The following UNC5A variants were observed in gnomAD, a reference collection of about 807,000 sequenced individuals.
The protein encoded by UNC5A is unc-5 netrin receptor A.
Under a neutral mutation model 87.4 loss-of-function variants are expected in UNC5A, and 20 were observed. That is an observed-to-expected ratio of 0.23 (90% CI 0.16 to 0.33). The LOEUF (loss-of-function observed/expected upper bound fraction) is 0.33. Ranked by LOEUF, UNC5A falls within the 10% of genes least tolerant of loss-of-function variation. UNC5A has a pLI of 1.00. For missense variants in UNC5A, 844 were observed against 1,133.4 expected (o/e 0.74, Z 3.67); for synonymous variants, 438 against 482.3 (o/e 0.91, Z 1.20).
intron 1 of UNC5A, among the ~76,000 whole-genome samples, chr5:176,830,673 T>G (rs1335865865): frequency 1.4e-5 from 2 of 141,950 alleles, no homozygotes; most frequent in African/African-American, 5.3e-5. Context: ...CTGGTGTGTG[T>G]GGGAGTGTGT....
At position 176,862,737 on chromosome 5, in the gene UNC5A, C is replaced by T; in HGVS notation, c.184C>T (p.Leu62=). 6.2e-7 allele frequency: 1 copy of T among 1,613,652 alleles called. No homozygotes were observed. Among genetic ancestry groups the T allele is most frequent in the Non-Finnish European group, 8.5e-7 (1 of 1,179,998 alleles). The part of the protein sequence containing the change: ...DVYIVKNKPV[L]LVCKAVPATQ... ...GTACATCGTCAAGAACAAGCCAGTG[C>T]TGCTTGTGTGCAAGGCCGTGCCCGC... Residue 62 remains leucine, a synonymous_variant, in exon 2 of 15, where the codon CTG becomes TTG. Coordinates refer to ENST00000329542, the MANE Select transcript of UNC5A (RefSeq NM_133369.3).
In UNC5A at chr5:176,878,471, T is replaced by A. The variant is rs780993322; in HGVS notation, c.2020-4T>A. ...CTGACACCTCCTCTCTGCATCCCCA[T>A]CAGGAGATCCCCTTTTATCACATCT... On this transcript the variant is annotated splice_polypyrimidine_tract_variant and splice_region_variant and intron_variant, in intron 12 of 14. Transcript: ENST00000329542. 1 of 1,612,206 alleles carries A rather than the reference T, an allele frequency of 6.2e-7. No individual in the cohort carries two copies. Among genetic ancestry groups the A allele is most frequent in the South Asian group, 1.1e-5 (1 of 91,056 alleles).
intron 1 of UNC5A, among the ~76,000 whole-genome samples, chr5:176,854,423 G>A (rs1360230518): frequency 6.6e-6 from 1 of 152,200 alleles, no homozygotes; most frequent in African/African-American, 2.4e-5. Context: ...TCAGGCCGCA[G>A]GGATGCAGGT....
intron 1 of UNC5A, among the ~76,000 whole-genome samples, chr5:176,856,927 G>A (rs1490101936): frequency 7.2e-5 from 11 of 152,066 alleles, no homozygotes; most frequent in Non-Finnish European, 1.5e-5. Flanking sequence ...AACACGTCTC[G>A]CCCTCACTCA....
At chr5:176,830,608 G>A (rs536026922) in intron 1 of UNC5A, among the ~76,000 whole-genome samples, 2 of 148,628 alleles carry the variant, frequency 1.3e-5, no homozygotes, top group East Asian at 2.0e-4. Flanking sequence ...ATGCTGGTGT[G>A]TGTGTGCGCT....
intron 1 of UNC5A, among the ~76,000 whole-genome samples, chr5:176,823,008 G>A (rs1471340635): frequency 1.3e-5 from 2 of 152,108 alleles, no homozygotes; most frequent in East Asian, 3.9e-4. Flanking sequence ...GATAGGAGCA[G>A]GGAGAGGCTG....
intron 1 of UNC5A, among the ~76,000 whole-genome samples, chr5:176,850,131 G>A (rs1264101506): frequency 6.6e-6 from 1 of 152,248 alleles, no homozygotes; most frequent in African/African-American, 2.4e-5. Flanking sequence ...CACCAGCCCA[G>A]AGGAGGCAAC....
chr5:176,847,280 A>G (rs1343032199), intron 1 of UNC5A, among the ~76,000 whole-genome samples: 3 of 152,074 alleles, frequency 2.0e-5, no homozygotes, highest in Non-Finnish European at 4.4e-5. Flanking sequence ...TGGGAGAGAG[A>G]CAGGGCTGGC....
Position 176,873,996 on chromosome 5 carries a change from C to G in UNC5A, c.915C>G (p.Leu305=), listed in dbSNP as rs990425602. Residue 305 remains leucine, a synonymous_variant, in exon 7 of 15, where the codon CTC becomes CTG. Coordinates refer to ENST00000329542, the MANE Select transcript of UNC5A (RefSeq NM_133369.3). ...CTTCTGGCCCTGAGGACGTGGCCCT[C>G]TATGTGGGCCTCATCGCCGTGGCCG... The part of the protein sequence containing the change: ...HTASGPEDVA[L]YVGLIAVAVC... 1.2e-6 allele frequency: 2 copies of G among 1,613,806 alleles called. No individual in the cohort carries two copies. The highest frequency in any genetic ancestry group is 1.7e-6 in the Non-Finnish European group (2 of 1,179,966).
intron 1 of UNC5A, among the ~76,000 whole-genome samples, chr5:176,834,213 G>A (rs79963505): frequency 3.6e-4 from 55 of 152,240 alleles, no homozygotes; most frequent in African/African-American, 1.2e-3. Context: ...ACACACTGCC[G>A]GGAGTATGGA....
Position 176,866,331 on chromosome 5 carries a change from C to G in UNC5A, c.293-1799C>G, listed in dbSNP as rs2149365610. ...TTGTGGGGCTGAAGGGCACCCCTCA[C>G]CAAGGCACTGCGTGGAGCTGGCACA... is the stretch of plus-strand genomic sequence containing the variant. On this transcript the variant is annotated intron_variant, in intron 2 of 14. Transcript: ENST00000329542. This position sits in a 1 kb window ranked among gnomAD's most constrained non-coding sequence, Gnocchi z 5.0. 6.6e-6 allele frequency among the ~76,000 whole-genome samples: 1 copy of G among 152,314 alleles called. No individual in the cohort carries two copies. Among genetic ancestry groups the G allele is most frequent in the East Asian group, 1.9e-4 (1 of 5,174 alleles).
At chr5:176,879,548 G>A (rs1035584645) in intron 14 of UNC5A, 60 bp downstream of exon 14, 58 of 1,551,824 alleles carry the variant, frequency 3.7e-5, no homozygotes, top group South Asian at 1.4e-4. Flanking sequence ...GCCCGGCGGC[G>A]GGGTGGGTGA....
At chr5:176,813,079 A>T (rs541468849) in intron 1 of UNC5A, among the ~76,000 whole-genome samples, 2 of 152,306 alleles carry the variant, frequency 1.3e-5, no homozygotes, top group African/African-American at 4.8e-5. Flanking sequence ...GTTGCTGGAC[A>T]TCACACAAAA....
intron 1 of UNC5A, among the ~76,000 whole-genome samples, chr5:176,850,686 C>T (rs1337159975): frequency 1.3e-5 from 2 of 152,162 alleles, no homozygotes; most frequent in East Asian, 1.9e-4. Context: ...CCTCTGCTGT[C>T]GCCCTGGGCT....
intron 1 of UNC5A, among the ~76,000 whole-genome samples, chr5:176,861,048 G>C (rs552461258): frequency 1.6e-4 from 25 of 152,290 alleles, no homozygotes; most frequent in Non-Finnish European, 1.0e-4. Context: ...AGACACAGCT[G>C]TTGCACCCCT....
At chr5:176,821,621 T>C (rs764013525) in intron 1 of UNC5A, among the ~76,000 whole-genome samples, 1 of 152,196 alleles carries the variant, frequency 6.6e-6, no homozygotes, top group Non-Finnish European at 1.5e-5. Context: ...TTCCATGGTG[T>C]AAATACTCCC....
intron 1 of UNC5A, among the ~76,000 whole-genome samples, chr5:176,823,463 G>A (rs143718711): frequency 3.5e-4 from 53 of 152,266 alleles, no homozygotes; most frequent in Non-Finnish European, 6.2e-4. Context: ...AAAGCCAGCC[G>A]TGGCCCAGGA....
At chr5:176,879,685 A>G (rs1758369535) in intron 14 of UNC5A, 36 bp from the exon 15 acceptor site, 1 of 1,606,408 alleles carries the variant, frequency 6.2e-7, no homozygotes, top group Admixed American at 1.7e-5. Context: ...GGCTGGGGCC[A>G]GGCCAGGCTG....
intron 1 of UNC5A, among the ~76,000 whole-genome samples, chr5:176,851,161 G>A (rs1311071123): frequency 2.0e-5 from 3 of 152,244 alleles, no homozygotes; most frequent in African/African-American, 7.2e-5. Context: ...CATCGCTCTC[G>A]ACTTACTGTG....
Sources: gnomAD v4.1 joint callset for allele counts (sites outside exome capture counted in the v4.1 genomes callset) on GRCh38, gnomAD v4.1.1 for gene constraint, Gnocchi (gnomAD v3.1) non-coding constraint, MANE v1.5 for transcripts, NCBI Gene and HGNC (gene_info 2026-07-23, HGNC 2026-07-21) for gene names.